Variants in ATP10B observed in about 807,000 individuals in gnomAD.
ATP10B encodes the protein ATPase phospholipid transporting 10B (putative).
A neutral mutation model predicts 141.2 loss-of-function variants in ATP10B; 122 were observed. That is an observed-to-expected ratio of 0.86 (90% CI 0.75 to 1.00). ATP10B has a LOEUF of 1.00. Among genes scored for constraint, ATP10B ranks in the 50% least tolerant of loss-of-function variants. The pLI, the probability that ATP10B is intolerant of heterozygous loss-of-function variation, is 0.00. For synonymous variants in ATP10B, 685 were observed against 692.0 expected, an observed-to-expected ratio of 0.99 and a Z score of 0.16; for missense variants, 1,876 against 1,825.3, an observed-to-expected ratio of 1.03 and a Z score of -0.51.
chr5:160,597,398 G>A (rs1285211784), intron 22 of ATP10B, among the ~76,000 whole-genome samples: 4 of 152,106 alleles, frequency 2.6e-5, no homozygotes, highest in Admixed American at 6.6e-5. Flanking sequence ...ATTAATTCAA[G>A]ATGGATTAAA....
chr5:160,907,179 C>T, the ATP10B span, among the ~76,000 whole-genome samples: 5 of 152,242 alleles, frequency 3.3e-5, no homozygotes, highest in South Asian at 2.1e-4. Flanking sequence ...TCTGGTTCTT[C>T]GGCCTTCATG....
chr5:160,737,757 TA>T (rs1380642450), intron 2 of ATP10B, among the ~76,000 whole-genome samples: 22 of 152,084 alleles, frequency 1.4e-4, no homozygotes, highest in African/African-American at 5.1e-4. Context: ...GATCAATCAT[TA>T]GGAAGACATA....
intron 6 of ATP10B, among the ~76,000 whole-genome samples, chr5:160,674,267 A>G (rs1487241446): frequency 6.6e-6 from 1 of 152,184 alleles, no homozygotes; most frequent in Non-Finnish European, 1.5e-5. Flanking sequence ...TGAACACTGA[A>G]TCTCATTCTC....
intron 3 of ATP10B, chr5:160,691,887 A>G (rs1160946120): frequency 2.0e-5 from 3 of 152,272 alleles, no homozygotes; most frequent in Non-Finnish European, 2.9e-5. Context: ...TATAACATTT[A>G]GCAAGCTGGA....
intron 19 of ATP10B, among the ~76,000 whole-genome samples, chr5:160,604,888 T>G (rs1757296754): frequency 6.6e-6 from 1 of 152,202 alleles, no homozygotes. Flanking sequence ...CACAGATAGC[T>G]CTATACAGTG....
In ATP10B at chr5:160,768,672, C is replaced by T. The variant is rs140609864; in HGVS notation, c.-331+16887G>A. On this transcript the variant is annotated intron_variant, in intron 2 of 25. Coordinates refer to ENST00000327245, the MANE Select transcript of ATP10B (RefSeq NM_025153.3). ...GTAGGAAACAACATAAGCCAATTAA[C>T]AGCATCGTAGTTTTATAGCCAGAGA... Among the ~76,000 whole-genome samples, 1,332 of 152,302 alleles carry T rather than the reference C, an allele frequency of 8.7e-3. 15 individuals carry two copies. The highest frequency in any genetic ancestry group is 0.016 in the Non-Finnish European group (1,057 of 68,026).
At chr5:160,598,146 A>G (rs1287101097) in intron 22 of ATP10B, among the ~76,000 whole-genome samples, 1 of 151,162 alleles carries the variant, frequency 6.6e-6, no homozygotes, top group African/African-American at 2.4e-5. Flanking sequence ...CCAAATGTCC[A>G]ACAATGATAG....
intron 24 of ATP10B, among the ~76,000 whole-genome samples, chr5:160,581,905 C>T (rs1187725348): frequency 2.6e-5 from 4 of 151,140 alleles, no homozygotes; most frequent in Admixed American, 2.0e-4. Flanking sequence ...TTATGTAATG[C>T]CCTTCTTTGT....
chr5:160,569,016 C>T (rs183856212), intron 25 of ATP10B, among the ~76,000 whole-genome samples: 4 of 152,272 alleles, frequency 2.6e-5, no homozygotes, highest in Admixed American at 2.6e-4. Flanking sequence ...AATGCTGAAG[C>T]TCTGGAATGT....
chr5:160,765,258 T>C (rs1311880886), intron 2 of ATP10B, among the ~76,000 whole-genome samples: 2 of 152,044 alleles, frequency 1.3e-5, no homozygotes, highest in African/African-American at 2.4e-5. Context: ...AAGGCCCACA[T>C]AGTCAAAGAA....
At chr5:160,895,981 A>T in the ATP10B span, among the ~76,000 whole-genome samples, 4 of 152,208 alleles carry the variant, frequency 2.6e-5, no homozygotes, top group African/African-American at 4.8e-5. Context: ...AGAAATAAAG[A>T]AGTTCTTTGA....
intron 1 of ATP10B, among the ~76,000 whole-genome samples, chr5:160,819,657 A>C (rs1216602432): frequency 2.0e-5 from 3 of 152,186 alleles, no homozygotes; most frequent in Non-Finnish European, 2.9e-5. Context: ...ATATAAATAG[A>C]AACAAAAAGT....
At chr5:160,800,154 T>C (rs10054068) in intron 1 of ATP10B, among the ~76,000 whole-genome samples, 39,616 of 152,016 alleles carry the variant, frequency 0.26, 5,325 homozygotes, top group African/African-American at 0.32. Flanking sequence ...ATACATTATT[T>C]TATATAATTC....
At chr5:160,694,108 A>C (rs1281569806) in intron 3 of ATP10B, among the ~76,000 whole-genome samples, 1 of 152,180 alleles carries the variant, frequency 6.6e-6, no homozygotes, top group Non-Finnish European at 1.5e-5. Flanking sequence ...ATTCTGGCCG[A>C]AGCACATAAG....
chr5:160,832,927 C>T (rs1775189755), intron 1 of ATP10B, among the ~76,000 whole-genome samples: 1 of 152,046 alleles, frequency 6.6e-6, no homozygotes, highest in Non-Finnish European at 1.5e-5. Flanking sequence ...GCAAATCTAG[C>T]CCAAAGTAAG....
chr5:160,639,737 AG>A (rs1655197854), intron 10 of ATP10B, among the ~76,000 whole-genome samples: 3 of 152,304 alleles, frequency 2.0e-5, no homozygotes, highest in Admixed American at 1.3e-4. Context: ...AGATGGTTTC[AG>A]GGGTTTCAGG....
chr5:160,723,467 T>G (rs530189027), intron 2 of ATP10B, among the ~76,000 whole-genome samples: 6 of 152,314 alleles, frequency 3.9e-5, no homozygotes, highest in Non-Finnish European at 8.8e-5. Flanking sequence ...ATTAACTCAT[T>G]TATCTGTCAT....
At chr5:160,715,873 G>T (rs1406001147) in intron 3 of ATP10B, among the ~76,000 whole-genome samples, 1 of 151,894 alleles carries the variant, frequency 6.6e-6, no homozygotes, top group Non-Finnish European at 1.5e-5. Context: ...ACTACGCCTG[G>T]CTAATTTTTG....
chr5:160,783,989 A>G (rs1258834211), intron 2 of ATP10B, among the ~76,000 whole-genome samples: 1 of 152,110 alleles, frequency 6.6e-6, no homozygotes, highest in Non-Finnish European at 1.5e-5. Flanking sequence ...ATCGCGGCTC[A>G]TCAGGGAACT....
Sources: gnomAD v4.1 joint callset for allele counts (sites outside exome capture counted in the v4.1 genomes callset) on GRCh38, gnomAD v4.1.1 for gene constraint, MANE v1.5 for transcripts, NCBI Gene and HGNC (gene_info 2026-07-23, HGNC 2026-07-21) for gene names.